KCP: variants seen among roughly 807,000 people sequenced by gnomAD.
The protein encoded by KCP is kielin cysteine rich BMP regulator.
In KCP, 194 loss-of-function variants were observed where a neutral mutation model predicts 212.7. The ratio of observed to expected loss-of-function variants is 0.91; its 90% CI spans 0.81 to 1.03. The LOEUF is 1.03. Ranked by LOEUF, KCP falls within the 50% of genes least tolerant of loss-of-function variation. The pLI is 0.00. For synonymous variants in KCP, 833 were observed against 865.3 expected (o/e 0.96, Z 0.65); for missense variants, 2,080 against 2,162.5 (o/e 0.96, Z 0.76).
In KCP at chr7:128,880,002, G is replaced by C. The variant is rs1793224949; in HGVS notation, c.3843C>G (p.Pro1281=). The C allele has an allele frequency of 4.5e-6, 7 of 1,550,340 alleles. No homozygotes were observed. Among genetic ancestry groups the C allele is most frequent in the Non-Finnish European group, 6.1e-6 (7 of 1,146,926 alleles). ...GGCGGCCGTCGAAGGTGCGGTAATG[G>C]GGGTCTCCGAAGGCCATGCAGGAAG... The part of the protein sequence containing the change: ...RPASCMAFGD[P]HYRTFDGRLL... The change falls in exon 35 of 40, where the codon CCC becomes CCG. Residue 1281 remains proline, a synonymous_variant. Coordinates refer to ENST00000610776, the MANE Select transcript of KCP (RefSeq NM_001366122.1).
At chr7:128,890,869 C>G (rs537185410) in intron 20 of KCP, 36 bp downstream of exon 20, 34 of 1,233,594 alleles carry the variant, frequency 2.8e-5, no homozygotes, top group Admixed American at 4.1e-5. Flanking sequence ...GGCGGCAGGA[C>G]GCGGGTGGCC....
intron 1 of KCP, among the ~76,000 whole-genome samples, chr7:128,909,684 T>G (rs1278076808): frequency 6.6e-6 from 1 of 152,146 alleles, no homozygotes; most frequent in Non-Finnish European, 1.5e-5. Context: ...TCGACCTTTC[T>G]GAATCACACA....
chr7:128,891,738 T>A lies in KCP; in HGVS notation c.1703A>T (p.Gln568Leu). Residue 568 changes from glutamine to leucine, a missense_variant, in exon 17 of 40, where the codon CAG becomes CTG. By Grantham distance (113) the Gln-to-Leu change is moderately radical (BLOSUM62 -2). Coordinates refer to ENST00000610776, the MANE Select transcript of KCP (RefSeq NM_001366122.1). ...AGGCTGGCAGTGGGCATGGCCTTCC[T>A]GGCATCGGCACTCCTGGCAGGGGTC... is the stretch of plus-strand genomic sequence containing the variant. ...PRDPCQECRC[Q>L]EGHAHCQPRP... 7.0e-7 allele frequency: 1 copy of A among 1,430,670 alleles called. No homozygotes were observed. Among genetic ancestry groups the A allele is most frequent in the Non-Finnish European group, 9.2e-7 (1 of 1,090,204 alleles). 88.6% of individuals were successfully genotyped at this position (1,430,670 alleles called of 1,614,324 possible). A position where few individuals can be genotyped will look rare whatever the true frequency, so the allele number is the denominator to read the frequency against.
Position 128,891,549 on chromosome 7 carries a change from G to T in KCP, c.1796-16C>A. 8 of 1,544,880 alleles carry T rather than the reference G, an allele frequency of 5.2e-6. No individual in the cohort carries two copies. Among genetic ancestry groups the T allele is most frequent in the Non-Finnish European group, 7.0e-6 (8 of 1,142,904 alleles). On this transcript the variant is annotated splice_polypyrimidine_tract_variant and intron_variant, in intron 17 of 39. Transcript: ENST00000610776. The stretch of plus-strand genomic sequence containing the variant: ...AAGGCACAGCCTGGGGGAGGGAGGG[G>T]CTATAGCCTGGGAGAGGGCGACTGC...
At chr7:128,902,286 A>G (rs1454557241) in intron 8 of KCP, among the ~76,000 whole-genome samples, 1 of 152,256 alleles carries the variant, frequency 6.6e-6, no homozygotes, top group Non-Finnish European at 1.5e-5. Flanking sequence ...TTATTTCAAC[A>G]TGTAATCAAC....
At position 128,908,583 on chromosome 7, in the gene KCP, A is replaced by C. The variant is rs1438237527; in HGVS notation, c.77-15T>G. On this transcript the variant is annotated splice_polypyrimidine_tract_variant and intron_variant, in intron 1 of 39. Transcript: ENST00000610776. ...GACAGCCCCACCTGAAGGGCACAAG[A>C]ATCCCATGTGGGCCTGAGGGTGAGG... The C allele has an allele frequency of 1.3e-6, 2 of 1,547,168 alleles. No individual in the cohort carries two copies. The highest frequency in any genetic ancestry group is 1.7e-6 in the Non-Finnish European group (2 of 1,143,936).
At position 128,894,289 on chromosome 7, in the gene KCP, C is replaced by A. The variant is rs773204127; in HGVS notation, c.836G>T (p.Gly279Val). The A allele has an allele frequency of 6.5e-7, 1 of 1,537,894 alleles. No individual in the cohort carries two copies. Among genetic ancestry groups the A allele is most frequent in the African/African-American group, 1.4e-5 (1 of 72,942 alleles). The stretch of plus-strand genomic sequence containing the variant: ...TTCTCGCTGGCGGCACTGGATGTGA[C>A]CCTCCTGGTGGGGAGAATGAACAGG... ...DPCRICRCLE[G>V]HIQCRQRECA... The change falls in exon 9 of 40, where the codon GGT (glycine) becomes GTT (valine). Residue 279 changes from glycine to valine, a missense_variant. By Grantham distance (109) the Gly-to-Val change is moderately radical. Transcript: ENST00000610776.
rs868497880 is a variant in KCP at position 128,879,749 on chromosome 7, G to A, written c.4013C>T (p.Ala1338Val). Reference protein sequence around the residue: ...QEVAVLLGDMAVRLLQDGAVT... With the variant: ...QEVAVLLGDMVVRLLQDGAVT... Reference sequence around the variant, plus strand: ...TGCCCCGTCCTGCAGCAGCCGCACGGCCATGTCTCCCAGCAGCACCGCCAC... The same window carrying A: ...TGCCCCGTCCTGCAGCAGCCGCACGACCATGTCTCCCAGCAGCACCGCCAC... Residue 1338 changes from alanine (A) to valine (V), a missense_variant, in exon 36 of 40, where the codon GCC (alanine) becomes GTC (valine). Transcript: ENST00000610776. 6 of 1,550,266 alleles carry A rather than the reference G, an allele frequency of 3.9e-6. No individual in the cohort carries two copies. In the African/African-American group the frequency reaches 6.8e-5, roughly 18 times the overall value.
Position 128,893,227 on chromosome 7 carries a change from C to T in KCP, c.1267+11G>A. 1 of 1,550,690 alleles carries T rather than the reference C, an allele frequency of 6.4e-7. No individual in the cohort carries two copies. The highest frequency in any genetic ancestry group is 8.7e-7 in the Non-Finnish European group (1 of 1,146,810). ...GCCCATAGCAGCTGCTCCTCCCCCT[C>T]TCACACACACCTGGGCAGAGCTGGC... On this transcript the variant is annotated intron_variant, in intron 13 of 39. Transcript: ENST00000610776.
intron 22 of KCP, among the ~76,000 whole-genome samples, chr7:128,887,900 CAT>C (rs1429732074): frequency 1.3e-5 from 2 of 150,504 alleles, no homozygotes; most frequent in South Asian, 2.1e-4. Flanking sequence ...CACGCACACA[CAT>C]ACACATACAC....
chr7:128,892,556 T>C lies in KCP; in HGVS notation c.1579A>G (p.Arg527Gly), dbSNP rs77842889. 16,263 of 1,549,074 alleles carry C rather than the reference T, an allele frequency of 0.01. 1,551 individuals are homozygous for C. The African/African-American group carries it at 0.2, about 19-fold the overall frequency. ...CACTGGCCTGGTCCACTCTGGGGCC[T>C]GGCACAGGTCGTGGGAGGGCAGTCA... ...LVDCPPTTCARPQSGPGQCCP... is the reference protein window; with the variant it reads ...LVDCPPTTCAGPQSGPGQCCP... Residue 527 changes from arginine (R) to glycine (G), a missense_variant, in exon 16 of 40, where the codon AGG becomes GGG. Arg to Gly is a moderately radical substitution (Grantham distance 125). Transcript: ENST00000610776.
At chr7:128,893,616 C>T (rs534769839) in intron 11 of KCP, 140 bp from the exon 12 acceptor site, 49 of 949,874 alleles carry the variant, frequency 5.2e-5, no homozygotes, top group Non-Finnish European at 7.3e-5. Flanking sequence ...CAGCCCCCTG[C>T]CCCCCACAGC....
chr7:128,886,866 G>A lies in KCP; in HGVS notation c.2689+10C>T. The A allele has an allele frequency of 2.0e-6, 3 of 1,507,058 alleles. No homozygotes were observed. The South Asian group carries it at 3.6e-5, about 18-fold the overall frequency. 93.4% of individuals were successfully genotyped at this position (1,507,058 alleles called of 1,614,324 possible). A position where few individuals can be genotyped will look rare whatever the true frequency, so the allele number is the denominator to read the frequency against. The stretch of plus-strand genomic sequence containing the variant: ...GGGCATGGGGGCCGCGCATGAGGAA[G>A]GCAGCTCACTGTGGCAAACAGGGCA... On this transcript the variant is annotated intron_variant, in intron 24 of 39. Transcript: ENST00000610776.
chr7:128,877,006 C>T lies in KCP; in HGVS notation c.*37G>A, dbSNP rs968211293. On this transcript the variant is annotated 3_prime_UTR_variant, in exon 40 of 40. Transcript: ENST00000610776. ...GGGAACTGCTCGCCAAGGGGAGACT[C>T]CTGGCCTGATGAACCCTTATCAGGC... is the stretch of plus-strand genomic sequence containing the variant. 1.1e-5 allele frequency: 17 copies of T among 1,534,606 alleles called. No individual in the cohort carries two copies. The African/African-American group carries it at 1.5e-4, about 14-fold the overall frequency.
At position 128,880,612 on chromosome 7, in the gene KCP, T is replaced by A. The variant is rs1380908024; in HGVS notation, c.3616+7A>T. 8.0e-7 allele frequency: 1 copy of A among 1,247,848 alleles called. No homozygotes were observed. Among genetic ancestry groups the A allele is most frequent in the Non-Finnish European group, 1.0e-6 (1 of 955,112 alleles). 77.3% of individuals were successfully genotyped at this position (1,247,848 alleles called of 1,614,324 possible). On this transcript the variant is annotated splice_region_variant and intron_variant, in intron 33 of 39. Transcript: ENST00000610776. ...CTTACCCCTCCCCCATCACCCTGGC[T>A]GCGCACCTTGGCATCGCTCACAGCA...
chr7:128,905,956 G>A (rs1272874748), intron 5 of KCP, among the ~76,000 whole-genome samples: 1 of 152,074 alleles, frequency 6.6e-6, no homozygotes, highest in African/African-American at 2.4e-5. Context: ...ACACTGCACT[G>A]CCTTCTACAC....
Position 128,880,032 on chromosome 7 carries a change from C to G in KCP, c.3813G>C (p.Arg1271=), listed in dbSNP as rs572821680. The stretch of plus-strand genomic sequence containing the variant: ...CTCCGAAGGCCATGCAGGAAGCGGG[C>G]CGAGGCAGGCAGCGGGGGCAGCAGC... ...PGSCCPRCLP[R]PASCMAFGDP... is the part of the protein sequence containing the mutation. The change falls in exon 35 of 40, where the codon CGG becomes CGC. Residue 1271 remains arginine (R), a synonymous_variant. Coordinates refer to ENST00000610776, the MANE Select transcript of KCP (RefSeq NM_001366122.1). The G allele has an allele frequency of 2.7e-3, 4,173 of 1,549,014 alleles. 110 individuals carry two copies. The South Asian group carries it at 0.042, about 16-fold the overall frequency.
chr7:128,896,844 T>C (rs978895832), intron 8 of KCP, among the ~76,000 whole-genome samples: 5 of 130,676 alleles, frequency 3.8e-5, no homozygotes, highest in Non-Finnish European at 7.6e-5. Context: ...TGAGCTGAGA[T>C]GGCGCCATTT....
chr7:128,888,465 AAC>A (rs972388759), intron 22 of KCP, among the ~76,000 whole-genome samples: 11 of 109,378 alleles, frequency 1.0e-4, no homozygotes, highest in East Asian at 5.4e-4. Context: ...CACACAGAGC[AAC>A]ACACACACAC....
Sources: gnomAD v4.1 joint callset for allele counts (sites outside exome capture counted in the v4.1 genomes callset) on GRCh38, gnomAD v4.1.1 for gene constraint, MANE v1.5 for transcripts, NCBI Gene and HGNC (gene_info 2026-07-23, HGNC 2026-07-21) for gene names.